Variants in PSMC4 observed in about 807,000 individuals in gnomAD.
PSMC4 encodes 26S proteasome regulatory subunit 6B.
PSMC4 carries 13 observed loss-of-function variants against 48.4 expected under a neutral mutation model. That is an observed-to-expected ratio of 0.27 (90% CI 0.18 to 0.43). The LOEUF (loss-of-function observed/expected upper bound fraction) is 0.43, where lower values mean the gene tolerates loss of function less well. PSMC4 is among the 20% of genes least tolerant of loss of function. PSMC4 has a pLI of 1.00. For synonymous variants in PSMC4, 202 were observed against 212.3 expected (o/e 0.95, Z 0.42); for missense variants, 262 against 555.9 (o/e 0.47, Z 5.32).
Position 39,974,188 on chromosome 19 carries a change from CAG to C in PSMC4, c.323-105_323-104del, listed in dbSNP as rs1971154662. The C allele has an allele frequency of 7.0e-7, 1 of 1,434,226 alleles. No individual in the cohort carries two copies. The allele number at this position is 1,434,226 out of a possible 1,614,324, so 88.8% of individuals were successfully genotyped here. On this transcript the variant is annotated intron_variant, in intron 3 of 10. Transcript: ENST00000157812. The surrounding 1 kb of genome is among the most constrained non-coding windows in gnomAD (Gnocchi z 5.5). ...GGCTGGAGGCCGAGAGGGGACCCCT[CAG>C]GGTCTGAACCAGAGATGTTGGGGTG...
chr19:39,977,922 A>G (rs1028352265), intron 6 of PSMC4, among the ~76,000 whole-genome samples: 1 of 138,892 alleles, frequency 7.2e-6, no homozygotes, highest in Non-Finnish European at 1.5e-5. Context: ...GGCTCAAGCA[A>G]TCCTCCCCAC....
In PSMC4 at chr19:39,980,061, C is replaced by T. The variant is rs1031584133; in HGVS notation, c.842-9C>T. ...GATGCCTGGGACTGACTGTGCTGTGCACTCTCAGCCGACAGGGAGGTTCAG... is the reference window on the plus strand; with the variant it reads ...GATGCCTGGGACTGACTGTGCTGTGTACTCTCAGCCGACAGGGAGGTTCAG... On this transcript the variant is annotated splice_polypyrimidine_tract_variant and intron_variant, in intron 7 of 10. Coordinates refer to ENST00000157812, the MANE Select transcript of PSMC4 (RefSeq NM_006503.4). The surrounding 1 kb of genome is among the most constrained non-coding windows in gnomAD (Gnocchi z 4.8). 1 of 1,613,936 alleles carries T rather than the reference C, an allele frequency of 6.2e-7. No homozygotes were observed. Among genetic ancestry groups the T allele is most frequent in the Non-Finnish European group, 8.5e-7 (1 of 1,180,022 alleles).
chr19:39,981,105 C>T, intron 10 of PSMC4, 87 bp from the exon 11 acceptor site: 8 of 1,001,576 alleles, frequency 8.0e-6, no homozygotes, highest in East Asian at 7.2e-5. Context: ...GATCTGTATA[C>T]CTCAGCCTCC....
Position 39,981,211 on chromosome 19 carries a change from G to C in PSMC4, c.1163G>C (p.Arg388Pro), listed in dbSNP as rs1192629472. The change falls in exon 11 of 11, where the codon CGT becomes CCT. Residue 388 changes from arginine to proline, a missense_variant. This residue lies in a region of PSMC4 where 84 missense variants were observed against 157.8 expected (regional missense o/e 0.53). Coordinates refer to ENST00000157812, the MANE Select transcript of PSMC4 (RefSeq NM_006503.4). ...ICQESGMLAV[R>P]ENRYIVLAKD... is the part of the protein sequence containing the mutation. ...CAACAGAGTGGAATGTTGGCTGTCC[G>C]TGAAAACCGCTACATTGTCCTGGCC... 1 of 1,613,768 alleles carries C rather than the reference G, an allele frequency of 6.2e-7. No individual in the cohort carries two copies. The highest frequency in any genetic ancestry group is 8.5e-7 in the Non-Finnish European group (1 of 1,179,826).
chr19:39,980,423 G>A lies in PSMC4; in HGVS notation c.1056G>A (p.Met352Ile), dbSNP rs1274114311. 6.2e-7 allele frequency: 1 copy of A among 1,613,984 alleles called. No individual in the cohort carries two copies. The highest frequency in any genetic ancestry group is 1.3e-5 in the African/African-American group (1 of 74,904). ...TTTTCTCCACTATCACTAGCAAGAT[G>A]AACCTCTCTGAGGAGGTTGACTTGG... is the stretch of plus-strand genomic sequence containing the variant. ...RLIFSTITSK[M>I]NLSEEVDLED... Residue 352 changes from methionine (M) to isoleucine (I), a missense_variant, in exon 9 of 11, where the codon ATG (methionine) becomes ATA (isoleucine). Physicochemically the swap from Met to Ile is conservative, Grantham distance 10. Transcript: ENST00000157812. The surrounding 1 kb of genome is among the most constrained non-coding windows in gnomAD (Gnocchi z 4.8).
chr19:39,973,803 G>C (rs1416008679), intron 3 of PSMC4, among the ~76,000 whole-genome samples: 1 of 152,154 alleles, frequency 6.6e-6, no homozygotes, highest in Non-Finnish European at 1.5e-5. Context: ...ATTGTGCCTG[G>C]AATTGGACTG....
chr19:39,976,401 CAAAA>C lies in PSMC4; in HGVS notation c.673+1592_673+1595del, dbSNP rs757355957. On this transcript the variant is annotated intron_variant, in intron 6 of 10. Coordinates refer to ENST00000157812, the MANE Select transcript of PSMC4 (RefSeq NM_006503.4). The stretch of plus-strand genomic sequence containing the variant: ...TGGGTGACAGAGTGAGACTCCGTCT[CAAAA>C]AAAAAAAAAAAAAAAAAAGAATAGA... Among the ~76,000 whole-genome samples the C allele has an allele frequency of 4.4e-4, 20 of 45,176 alleles. No homozygotes were observed. In the South Asian group the frequency reaches 0.012, roughly 26 times the overall value. 29.6% of individuals were successfully genotyped at this position (45,176 alleles called of 152,430 possible). A position where few individuals can be genotyped will look rare whatever the true frequency, so the allele number is the denominator to read the frequency against.
In PSMC4 at chr19:39,974,130, G is replaced by T. The variant is rs758998895; in HGVS notation, c.323-164G>T. On this transcript the variant is annotated intron_variant, in intron 3 of 10. Transcript: ENST00000157812. This position sits in a 1 kb window ranked among gnomAD's most constrained non-coding sequence, Gnocchi z 5.5. ...AATCAGGGCGGTAGACAAGGAGTTCGTGTGAATACTGGGGACGGACAGCAG... is the reference window on the plus strand; with the variant it reads ...AATCAGGGCGGTAGACAAGGAGTTCTTGTGAATACTGGGGACGGACAGCAG... Among the ~76,000 whole-genome samples, 12 of 152,182 alleles carry T rather than the reference G, an allele frequency of 7.9e-5. No individual in the cohort carries two copies. Among genetic ancestry groups the T allele is most frequent in the Non-Finnish European group, 1.5e-4 (10 of 68,040 alleles).
At position 39,981,296 on chromosome 19, in the gene PSMC4, T is replaced by G; in HGVS notation, c.1248T>G (p.Phe416Leu). The G allele has an allele frequency of 6.2e-7, 1 of 1,613,282 alleles. No individual in the cohort carries two copies. Among genetic ancestry groups the G allele is most frequent in the Non-Finnish European group, 8.5e-7 (1 of 1,179,288 alleles). The change falls in exon 11 of 11, where the codon TTT (phenylalanine) becomes TTG (leucine). Residue 416 changes from phenylalanine to leucine, a missense_variant. Phe to Leu is a conservative substitution (Grantham distance 22, BLOSUM62 0). Transcript: ENST00000157812. ...AGAAGGACGAGCAGGAGCATGAGTT[T>G]TACAAGTGACCCTTCCCTTCCCTCC... ...VIKKDEQEHE[F>L]YK
chr19:39,974,482 T>C lies in PSMC4; in HGVS notation c.469+42T>C, dbSNP rs750794591. 8 of 1,613,132 alleles carry C rather than the reference T, an allele frequency of 5.0e-6. No homozygotes were observed. In the East Asian group the frequency reaches 1.6e-4, roughly 31 times the overall value. ...CAGCTGGGAGGGCCCCATGGGGACC[T>C]TGAGGACCTGGCCAGGAGCCCCAGC... On this transcript the variant is annotated intron_variant, in intron 4 of 10. Transcript: ENST00000157812. The surrounding 1 kb of genome is among the most constrained non-coding windows in gnomAD (Gnocchi z 5.5).
rs910238467 is a variant in PSMC4 at position 39,980,869 on chromosome 19, C to T, written c.1143+152C>T. ...CTACCATCACTAGGGGTGGATAGTA[C>T]AGGGGTAGTGTTTTTGTGTTTTGCT... On this transcript the variant is annotated intron_variant, in intron 10 of 10. Coordinates refer to ENST00000157812, the MANE Select transcript of PSMC4 (RefSeq NM_006503.4). This position sits in a 1 kb window ranked among gnomAD's most constrained non-coding sequence, Gnocchi z 4.8. 3.9e-6 allele frequency: 3 copies of T among 773,080 alleles called. No homozygotes were observed. Among genetic ancestry groups the T allele is most frequent in the Non-Finnish European group, 4.3e-6 (2 of 469,978 alleles). The allele number at this position is 773,080 out of a possible 1,614,324, so 47.9% of individuals were successfully genotyped here.
At position 39,974,407 on chromosome 19, in the gene PSMC4, G is replaced by A. The variant is rs963297891; in HGVS notation, c.436G>A (p.Glu146Lys). Residue 146 changes from glutamate to lysine, a missense_variant, in exon 4 of 11, where the codon GAA (glutamate) becomes AAA (lysine). Coordinates refer to ENST00000157812, the MANE Select transcript of PSMC4 (RefSeq NM_006503.4). This position sits in a 1 kb window ranked among gnomAD's most constrained non-coding sequence, Gnocchi z 5.5. Reference sequence around the variant, plus strand: ...TGCACTGGTGGACGTGCTGCCCCCCGAAGCCGACAGCAGCATCATGATGCT... The same window carrying A: ...TGCACTGGTGGACGTGCTGCCCCCCAAAGCCGACAGCAGCATCATGATGCT... ...SNALVDVLPPEADSSIMMLTS... is the reference protein window; with the variant it reads ...SNALVDVLPPKADSSIMMLTS... 6.2e-7 allele frequency: 1 copy of A among 1,613,904 alleles called. No homozygotes were observed. The highest frequency in any genetic ancestry group is 8.5e-7 in the Non-Finnish European group (1 of 1,180,010).
chr19:39,976,245 ATATAT>A (rs1196668010), intron 6 of PSMC4, among the ~76,000 whole-genome samples: 1,388 of 107,504 alleles, frequency 0.013, 16 homozygotes, highest in African/African-American at 0.021. Flanking sequence ...TCCAAAAAAA[ATATAT>A]ATATATATAT....
rs780750036 is a variant in PSMC4, at chr19:39,980,405, C to T, written c.1038C>T (p.Ser346=). 36 of 1,613,970 alleles carry T rather than the reference C, an allele frequency of 2.2e-5. No homozygotes were observed. The African/African-American group carries it at 3.1e-4, about 14-fold the overall frequency. The change falls in exon 9 of 11, where the codon TCC becomes TCT. Residue 346 remains serine (S), a synonymous_variant. Transcript: ENST00000157812. This position sits in a 1 kb window ranked among gnomAD's most constrained non-coding sequence, Gnocchi z 4.8. ...PDRRQKRLIF[S]TITSKMNLSE... ...GCCGCCAGAAGAGATTGATTTTCTCCACTATCACTAGCAAGATGAACCTCT... is the reference window on the plus strand; with the variant it reads ...GCCGCCAGAAGAGATTGATTTTCTCTACTATCACTAGCAAGATGAACCTCT...
chr19:39,980,481 G>A lies in PSMC4; in HGVS notation c.1087+27G>A. 6.2e-7 allele frequency: 1 copy of A among 1,612,276 alleles called. No individual in the cohort carries two copies. The highest frequency in any genetic ancestry group is 8.5e-7 in the Non-Finnish European group (1 of 1,178,674). ...TATCCTGCTCCAGAAGTCAGGGAGG[G>A]GCCCTAGTTGGGAACGGGGATTAGA... On this transcript the variant is annotated intron_variant, in intron 9 of 10. Transcript: ENST00000157812. The surrounding 1 kb of genome is among the most constrained non-coding windows in gnomAD (Gnocchi z 4.8).
chr19:39,981,448 T>G lies in PSMC4; in HGVS notation c.*143T>G, dbSNP rs930252829. 28 of 622,588 alleles carry G rather than the reference T, an allele frequency of 4.5e-5. No individual in the cohort carries two copies. In the African/African-American group the frequency reaches 5.2e-4, roughly 12 times the overall value. 38.6% of individuals were successfully genotyped at this position (622,588 alleles called of 1,614,324 possible). A position where few individuals can be genotyped will look rare whatever the true frequency, so the allele number is the denominator to read the frequency against. ...ATAGATAAGATCGAATCCATTTAAT[T>G]TCTTCTTAGAAGTTTAACTCCTTTG... On this transcript the variant is annotated 3_prime_UTR_variant, in exon 11 of 11. Transcript: ENST00000157812.
chr19:39,974,188 C>T lies in PSMC4; in HGVS notation c.323-106C>T. The T allele has an allele frequency of 2.1e-6, 3 of 1,434,344 alleles. No homozygotes were observed. Among genetic ancestry groups the T allele is most frequent in the South Asian group, 1.3e-5 (1 of 76,904 alleles). 88.9% of individuals were successfully genotyped at this position (1,434,344 alleles called of 1,614,324 possible). A position where few individuals can be genotyped will look rare whatever the true frequency, so the allele number is the denominator to read the frequency against. ...GGCTGGAGGCCGAGAGGGGACCCCT[C>T]AGGGTCTGAACCAGAGATGTTGGGG... On this transcript the variant is annotated intron_variant, in intron 3 of 10. Transcript: ENST00000157812. The surrounding 1 kb of genome is among the most constrained non-coding windows in gnomAD (Gnocchi z 5.5).
At position 39,980,254 on chromosome 19, in the gene PSMC4, G is replaced by A; in HGVS notation, c.919-32G>A. Reference sequence around the variant, plus strand: ...GTGACAGGAAGGAGGTAGGAGTGCAGAGATCTGAGCTGGCCTGCCCCCCAA... The same window carrying A: ...GTGACAGGAAGGAGGTAGGAGTGCAAAGATCTGAGCTGGCCTGCCCCCCAA... On this transcript the variant is annotated intron_variant, in intron 8 of 10. Transcript: ENST00000157812. This position sits in a 1 kb window ranked among gnomAD's most constrained non-coding sequence, Gnocchi z 4.8. The A allele has an allele frequency of 6.8e-6, 11 of 1,613,744 alleles. No homozygotes were observed. Among genetic ancestry groups the A allele is most frequent in the Non-Finnish European group, 9.3e-6 (11 of 1,179,852 alleles).
Position 39,974,821 on chromosome 19 carries a change from C to T in PSMC4, c.666C>T (p.His222=). Reference sequence around the variant, plus strand: ...TGTTGGCAAAGGCGGTGGCACATCACACAACAGGTGAGCCCTTTCGCCCCT... The same window carrying T: ...TGTTGGCAAAGGCGGTGGCACATCATACAACAGGTGAGCCCTTTCGCCCCT... ...KTMLAKAVAH[H]TTAAFIRVVG... Residue 222 remains histidine, a synonymous_variant, in exon 6 of 11, where the codon CAC becomes CAT. Coordinates refer to ENST00000157812, the MANE Select transcript of PSMC4 (RefSeq NM_006503.4). The surrounding 1 kb of genome is among the most constrained non-coding windows in gnomAD (Gnocchi z 5.5). 6.2e-7 allele frequency: 1 copy of T among 1,613,738 alleles called. No homozygotes were observed. The highest frequency in any genetic ancestry group is 8.5e-7 in the Non-Finnish European group (1 of 1,179,674).
Sources: allele counts gnomAD v4.1 joint callset (sites outside exome capture counted in the v4.1 genomes callset), GRCh38; gene constraint gnomAD v4.1.1; regional missense constraint gnomAD v4.1.1; non-coding constraint Gnocchi (gnomAD v3.1); transcripts MANE v1.5; gene names NCBI Gene and HGNC (gene_info 2026-07-23, HGNC 2026-07-21).